The following ACE variants were observed in gnomAD, a reference collection of about 807,000 sequenced individuals.
The protein encoded by ACE is angiotensin-converting enzyme.
Under a neutral mutation model 162.3 loss-of-function variants are expected in ACE, and 122 were observed. The ratio of observed to expected loss-of-function variants is 0.75; its 90% CI spans 0.65 to 0.87. ACE has a LOEUF of 0.87. Among genes scored for constraint, ACE ranks in the 40% least tolerant of loss-of-function variants. ACE has a pLI of 0.00. For missense variants in ACE, 1,799 were observed against 1,735.1 expected (o/e 1.04, Z -0.65); for synonymous variants, 796 against 720.6 (o/e 1.10, Z -1.68).
chr17:63,483,367 AG>A, intron 9 of ACE, 92 bp from the exon 10 acceptor site: 1 of 1,466,070 alleles, frequency 6.8e-7, no homozygotes, highest in Non-Finnish European at 9.6e-7. Flanking sequence ...AGGATGGGGA[AG>A]GGTTGCCGGG....
intron 20 of ACE, 46 bp from the exon 21 acceptor site, chr17:63,493,876 G>T (rs756739057): frequency 6.2e-7 from 1 of 1,613,826 alleles, no homozygotes; most frequent in Non-Finnish European, 8.5e-7. Flanking sequence ...CCAGGGCCAA[G>T]CCGCTAGGAC....
At chr17:63,493,853 C>A in intron 20 of ACE, 69 bp from the exon 21 acceptor site, 1 of 1,610,042 alleles carries the variant, frequency 6.2e-7, no homozygotes, top group Non-Finnish European at 8.5e-7. Flanking sequence ...ACCCCTCCAC[C>A]ATCACAGGCA....
intron 17 of ACE, chr17:63,490,026 T>C (rs1408405513): frequency 6.6e-6 from 1 of 152,242 alleles, no homozygotes; most frequent in Non-Finnish European, 1.5e-5. Context: ...CCCCTGACAA[T>C]TGGTAAAAGG....
At chr17:63,486,891 C>T (rs2029984513) in intron 14 of ACE, 95 bp from the exon 15 acceptor site, 3 of 1,476,980 alleles carry the variant, frequency 2.0e-6, no homozygotes, top group African/African-American at 2.8e-5. Flanking sequence ...TCCCTGGCTC[C>T]CCACCTGCCA....
At chr17:63,478,531 C>T (rs1403285887) in intron 2 of ACE, 2 of 308,556 alleles carry the variant, frequency 6.5e-6, no homozygotes, top group East Asian at 8.4e-5. Flanking sequence ...CTTGGTGGTG[C>T]GTGCACCTAC....
rs532619151 is a variant in ACE, at chr17:63,481,162, G to A, written c.919G>A (p.Asp307Asn). 1.2e-5 allele frequency: 19 copies of A among 1,582,814 alleles called. No homozygotes were observed. Among genetic ancestry groups the A allele is most frequent in the East Asian group, 4.7e-5 (2 of 42,182 alleles). Residue 307 changes from aspartate (D) to asparagine (N), a missense_variant, in exon 6 of 25, where the codon GAT (aspartate) becomes AAT (asparagine). Physicochemically the swap from Asp to Asn is conservative, Grantham distance 23. Coordinates refer to ENST00000290866, the MANE Select transcript of ACE (RefSeq NM_000789.4). ...GCCTTTCCCAGACAAGCCCAACCTC[G>A]ATGTCACCAGTACTATGCTGCAGCA... The part of the protein sequence containing the change: ...VVPFPDKPNL[D>N]VTSTMLQQGW...
chr17:63,487,534 A>G (rs2030040545), intron 15 of ACE, among the ~76,000 whole-genome samples: 1 of 152,086 alleles, frequency 6.6e-6, no homozygotes, highest in African/African-American at 2.4e-5. Context: ...AGCCCCTGAA[A>G]GCGCCAGACT....
rs2030391183 is a variant in ACE, at chr17:63,491,636, G to GT, written c.2912+258dup. 6.6e-6 allele frequency among the ~76,000 whole-genome samples: 1 copy of GT among 152,166 alleles called. No homozygotes were observed. Among genetic ancestry groups the GT allele is most frequent in the Non-Finnish European group, 1.5e-5 (1 of 68,028 alleles). Reference sequence around the variant, plus strand: ...GAAGTGCTCAAGGTCCCAGTCCTGGGTTTGAGCATGGTAGGCTGCCCCGCG... The same window carrying GT: ...GAAGTGCTCAAGGTCCCAGTCCTGGGTTTTGAGCATGGTAGGCTGCCCCGCG... On this transcript the variant is annotated intron_variant, in intron 19 of 24. Transcript: ENST00000290866. This position sits in a 1 kb window ranked among gnomAD's most constrained non-coding sequence, Gnocchi z 4.4.
intron 22 of ACE, among the ~76,000 whole-genome samples, chr17:63,495,773 T>A (rs1348588273): frequency 6.6e-6 from 1 of 151,806 alleles, no homozygotes; most frequent in Non-Finnish European, 1.5e-5. Flanking sequence ...ACATTCCGGA[T>A]TCTGGCCAGC....
intron 19 of ACE, 123 bp from the exon 20 acceptor site, chr17:63,493,311 CTG>C: frequency 1.1e-6 from 1 of 891,082 alleles, no homozygotes; most frequent in South Asian, 1.5e-5. Context: ...CCCCACAGTG[CTG>C]TGTCCCCTGC....
chr17:63,493,717 G>T, intron 20 of ACE, 58 bp downstream of exon 20: 1 of 1,589,856 alleles, frequency 6.3e-7, no homozygotes, highest in East Asian at 2.3e-5. Flanking sequence ...TGGTGAGCTT[G>T]GGAGGTGGGA....
chr17:63,479,805 C>A lies in ACE; in HGVS notation c.548C>A (p.Ala183Asp). The change falls in exon 4 of 25, where the codon GCC becomes GAC. Residue 183 changes from alanine to aspartate, a missense_variant. Physicochemically the swap from Ala to Asp is moderately radical, Grantham distance 126 (BLOSUM62 -2). Transcript: ENST00000290866. The stretch of plus-strand genomic sequence containing the variant: ...ATCCTGGCTTCCTCGCGAAGCTACG[C>A]CATGCTCCTGTTTGCCTGGGAGGGC... ...TNILASSRSYAMLLFAWEGWH... is the reference protein window; with the variant it reads ...TNILASSRSYDMLLFAWEGWH... The A allele has an allele frequency of 6.2e-7, 1 of 1,613,438 alleles. No individual in the cohort carries two copies. Among genetic ancestry groups the A allele is most frequent in the Non-Finnish European group, 8.5e-7 (1 of 1,180,040 alleles).
rs1568036282 is a variant in ACE, at chr17:63,479,819, G to A, written c.562G>A (p.Ala188Thr). The change falls in exon 4 of 25, where the codon GCC becomes ACC. Residue 188 changes from alanine to threonine, a missense_variant. Ala to Thr is a moderately conservative substitution (Grantham distance 58). Coordinates refer to ENST00000290866, the MANE Select transcript of ACE (RefSeq NM_000789.4). ...SSRSYAMLLF[A>T]WEGWHNAAGI... ...GCGAAGCTACGCCATGCTCCTGTTTGCCTGGGAGGGCTGGCACAACGCTGC... is the reference window on the plus strand; with the variant it reads ...GCGAAGCTACGCCATGCTCCTGTTTACCTGGGAGGGCTGGCACAACGCTGC... 1 of 1,613,236 alleles carries A rather than the reference G, an allele frequency of 6.2e-7. No homozygotes were observed. Among genetic ancestry groups the A allele is most frequent in the Non-Finnish European group, 8.5e-7 (1 of 1,180,048 alleles).
chr17:63,485,260 C>T lies in ACE; in HGVS notation c.1946C>T (p.Ala649Val), dbSNP rs2029872327. 2 of 1,613,978 alleles carry T rather than the reference C, an allele frequency of 1.2e-6. No homozygotes were observed. The highest frequency in any genetic ancestry group is 2.7e-5 in the African/African-American group (2 of 74,906). Residue 649 changes from alanine to valine, a missense_variant, in exon 13 of 25, where the codon GCC becomes GTC. Transcript: ENST00000290866. ...GACCTGGTGACTGATGAGGCTGAGG[C>T]CAGCAAGTTTGTGGAGGAATATGAC... is the stretch of plus-strand genomic sequence containing the variant. ...GIDLVTDEAE[A>V]SKFVEEYDRT...
Position 63,481,149 on chromosome 17 carries a change from C to T in ACE, c.906C>T (p.Asp302=), listed in dbSNP as rs1461648876. 12 of 1,613,622 alleles carry T rather than the reference C, an allele frequency of 7.4e-6. No individual in the cohort carries two copies. The East Asian group carries it at 2.7e-4, about 36-fold the overall frequency. The change falls in exon 6 of 25, where the codon GAC becomes GAT. Residue 302 remains aspartate (D), a synonymous_variant. Coordinates refer to ENST00000290866, the MANE Select transcript of ACE (RefSeq NM_000789.4). ...NIYDMVVPFP[D]KPNLDVTSTM... ...ACGACATGGTGGTGCCTTTCCCAGA[C>T]AAGCCCAACCTCGATGTCACCAGTA...
At chr17:63,483,334 C>G in intron 9 of ACE, 126 bp from the exon 10 acceptor site, 1 of 1,478,600 alleles carries the variant, frequency 6.8e-7, no homozygotes, top group Non-Finnish European at 9.4e-7. Flanking sequence ...CTCCCTCTTC[C>G]AGGAAGTCTT....
In ACE at chr17:63,497,958, AGGG is replaced by A. The variant is rs1290510648; in HGVS notation, c.*594_*596del. ...GCTCCACAAATGGCCAGGTCCCCCCAGGGGAAGGCTTCCGGCTGTTATCGGCTG... is the reference window on the plus strand; with the variant it reads ...GCTCCACAAATGGCCAGGTCCCCCCAGAAGGCTTCCGGCTGTTATCGGCTG... On this transcript the variant is annotated 3_prime_UTR_variant, in exon 25 of 25. Transcript: ENST00000290866. 3.5e-5 allele frequency: 7 copies of A among 200,544 alleles called. No individual in the cohort carries two copies. The highest frequency in any genetic ancestry group is 7.0e-5 in the Non-Finnish European group (7 of 99,780). 12.4% of individuals were successfully genotyped at this position (200,544 alleles called of 1,614,324 possible).
intron 2 of ACE, 162 bp from the exon 3 acceptor site, chr17:63,478,845 C>A: frequency 1.5e-6 from 1 of 681,638 alleles, no homozygotes. Flanking sequence ...AGAAGTGATC[C>A]GGTCACACTA....
chr17:63,482,815 T>C, intron 8 of ACE, 126 bp downstream of exon 8: 1 of 1,167,310 alleles, frequency 8.6e-7, no homozygotes. Flanking sequence ...TCAGGCAGGG[T>C]TCGGGATCCT....
Sources: gnomAD v4.1 joint callset for allele counts (sites outside exome capture counted in the v4.1 genomes callset) on GRCh38, gnomAD v4.1.1 for gene constraint, Gnocchi (gnomAD v3.1) non-coding constraint, MANE v1.5 for transcripts, NCBI Gene and HGNC (gene_info 2026-07-23, HGNC 2026-07-21) for gene names.